The following TENM2 variants were observed in gnomAD, a reference collection of about 807,000 sequenced individuals.
TENM2 encodes teneurin transmembrane protein 2.
TENM2 carries 52 observed loss-of-function variants against 245.2 expected under a neutral mutation model. The observed-to-expected ratio is 0.21, with a 90% CI of 0.17 to 0.27. The LOEUF (loss-of-function observed/expected upper bound fraction) is 0.27, where lower values mean the gene tolerates loss of function less well. Among genes scored for constraint, TENM2 ranks in the 10% least tolerant of loss-of-function variants. The probability of loss-of-function intolerance (pLI) is 1.00; values close to 1 mark genes in which losing one functional copy is unlikely to be tolerated. For synonymous variants in TENM2, 1,363 were observed against 1,438.9 expected (o/e 0.95, Z 1.19); for missense variants, 3,046 against 3,666.8 (o/e 0.83, Z 4.37).
intron 2 of TENM2, among the ~76,000 whole-genome samples, chr5:167,739,639 A>G (rs943921245): frequency 3.3e-5 from 5 of 152,162 alleles, no homozygotes; most frequent in Admixed American, 1.3e-4. Context: ...TTTAGGAGAT[A>G]CAGTGTTCAA....
intron 2 of TENM2, among the ~76,000 whole-genome samples, chr5:167,446,023 T>C (rs996087490): frequency 7.2e-5 from 11 of 152,288 alleles, no homozygotes; most frequent in African/African-American, 2.6e-4. Flanking sequence ...TTTCAGCTGC[T>C]GATCTAGTGA....
At chr5:167,077,327 T>A in the TENM2 span, among the ~76,000 whole-genome samples, 20 of 152,068 alleles carry the variant, frequency 1.3e-4, no homozygotes, top group East Asian at 3.9e-3. Context: ...ATACCATTTT[T>A]AAACTTTTTT....
At chr5:167,670,033 C>T (rs1035640849) in intron 2 of TENM2, among the ~76,000 whole-genome samples, 3 of 152,138 alleles carry the variant, frequency 2.0e-5, no homozygotes, top group African/African-American at 4.8e-5. Context: ...GTAATACCCT[C>T]AGAGATTTTG....
At chr5:167,282,076 C>T (rs1771098970), upstream of TENM2, among the ~76,000 whole-genome samples, 1 of 151,110 alleles carries the variant, frequency 6.6e-6, no homozygotes, top group Admixed American at 6.6e-5. Flanking sequence ...AAAATAAAAG[C>T]ATACACACGC....
intron 2 of TENM2, among the ~76,000 whole-genome samples, chr5:167,401,087 GTC>G (rs1402887297): frequency 6.6e-6 from 1 of 151,976 alleles, no homozygotes; most frequent in Non-Finnish European, 1.5e-5. Flanking sequence ...GTGACACTCT[GTC>G]TCTTAAAAAA....
intron 3 of TENM2, among the ~76,000 whole-genome samples, chr5:167,936,817 G>C (rs1423182033): frequency 6.6e-6 from 1 of 152,142 alleles, no homozygotes; most frequent in Admixed American, 6.6e-5. Flanking sequence ...CCCCAGCCCT[G>C]TCTCAGTCTC....
At chr5:168,038,920 A>AGAT (rs1307574425) in intron 5 of TENM2, among the ~76,000 whole-genome samples, 2 of 152,142 alleles carry the variant, frequency 1.3e-5, no homozygotes, top group Non-Finnish European at 1.5e-5. Flanking sequence ...TCCAGAGTTC[A>AGAT]GATCAGAGGG....
In TENM2 at chr5:167,930,453, T is replaced by TTTTATTTA. The variant is rs142148292; in HGVS notation, c.713-22104_713-22097dup. The stretch of plus-strand genomic sequence containing the variant: ...TAAATTAGCTGAGCTTTTCTTAGAA[T>TTTTATTTA]TTTATTTATTTATTTATTTATTTAT... On this transcript the variant is annotated intron_variant, in intron 3 of 28. Coordinates refer to ENST00000518659, the Ensembl canonical transcript of TENM2. Among the ~76,000 whole-genome samples the TTTTATTTA allele has an allele frequency of 8.0e-3, 1,180 of 148,192 alleles. 7 individuals carry two copies. The highest frequency in any genetic ancestry group is 0.021 in the African/African-American group (847 of 40,156).
the TENM2 span, among the ~76,000 whole-genome samples, chr5:167,215,263 G>A: frequency 6.6e-6 from 1 of 152,222 alleles, no homozygotes; most frequent in East Asian, 1.9e-4. Context: ...AATTGTTTAG[G>A]GCCCACCAGA....
Position 168,018,698 on chromosome 5 carries a change from A to G in TENM2, c.1186+25516A>G, listed in dbSNP as rs76139303. On this transcript the variant is annotated intron_variant, in intron 5 of 28. Coordinates refer to ENST00000518659, the Ensembl canonical transcript of TENM2. Reference sequence around the variant, plus strand: ...TTTAGGTGAGAGATTCCCTACATCAATATTTTAATTTTAAGACACATTCTT... The same window carrying G: ...TTTAGGTGAGAGATTCCCTACATCAGTATTTTAATTTTAAGACACATTCTT... Among the ~76,000 whole-genome samples the G allele has an allele frequency of 2.4e-4, 37 of 152,326 alleles. 1 individual carries two copies. In the East Asian group the frequency reaches 6.6e-3, roughly 27 times the overall value.
intron 2 of TENM2, among the ~76,000 whole-genome samples, chr5:167,432,696 G>GA (rs1027601625): frequency 6.6e-6 from 1 of 151,920 alleles, no homozygotes; most frequent in African/African-American, 2.4e-5. Flanking sequence ...TTTCATAAGT[G>GA]AAAAACATTT....
chr5:167,508,005 G>C (rs1769670242), intron 2 of TENM2, among the ~76,000 whole-genome samples: 1 of 152,038 alleles, frequency 6.6e-6, no homozygotes, highest in Admixed American at 6.6e-5. Flanking sequence ...AAAGAGCTCT[G>C]TGACTCAGCA....
chr5:168,013,707 AG>A (rs1056448976), intron 5 of TENM2, among the ~76,000 whole-genome samples: 4 of 152,226 alleles, frequency 2.6e-5, no homozygotes, highest in Admixed American at 1.3e-4. Context: ...ATACTTGTCC[AG>A]GGTGGCACTC....
At chr5:167,441,221 C>T (rs1764865127) in intron 2 of TENM2, among the ~76,000 whole-genome samples, 1 of 152,086 alleles carries the variant, frequency 6.6e-6, no homozygotes, top group African/African-American at 2.4e-5. Flanking sequence ...TCAAGCCCAG[C>T]TAAAGGCACC....
intron 1 of TENM2, among the ~76,000 whole-genome samples, chr5:167,288,873 A>G (rs892908568): frequency 6.6e-6 from 1 of 152,232 alleles, no homozygotes; most frequent in African/African-American, 2.4e-5. Flanking sequence ...CAAAACAAAA[A>G]TATCTTTAAA....
chr5:167,913,105 A>T (rs895593348), intron 3 of TENM2, among the ~76,000 whole-genome samples: 32 of 152,220 alleles, frequency 2.1e-4, no homozygotes, highest in Non-Finnish European at 3.7e-4. Context: ...ATAGAGCAGC[A>T]TTGCCATAAT....
At chr5:168,059,650 T>A (rs1789861935) in intron 6 of TENM2, among the ~76,000 whole-genome samples, 1 of 152,022 alleles carries the variant, frequency 6.6e-6, no homozygotes, top group Non-Finnish European at 1.5e-5. Flanking sequence ...ATTATATCCC[T>A]TCCCCAAGGA....
chr5:167,349,295 C>A (rs911062412), intron 1 of TENM2, among the ~76,000 whole-genome samples: 4 of 152,142 alleles, frequency 2.6e-5, no homozygotes, highest in African/African-American at 7.2e-5. Context: ...GTCTGTATGT[C>A]TGAATACAGT....
exon 29 of TENM2, chr5:168,262,977 C>T (rs530683007): frequency 4.9e-5 from 30 of 614,924 alleles, no homozygotes; most frequent in African/African-American, 4.0e-4. Flanking sequence ...ACTGTCCAAG[C>T]GAGAAGTCCC....
Sources: gnomAD v4.1 joint callset for allele counts (sites outside exome capture counted in the v4.1 genomes callset) on GRCh38, gnomAD v4.1.1 for gene constraint, MANE v1.5 for transcripts, NCBI Gene and HGNC (gene_info 2026-07-23, HGNC 2026-07-21) for gene names.